CLIP2: variants seen among roughly 807,000 people sequenced by gnomAD.
CLIP2 encodes the protein CAP-Gly domain-containing linker protein 2.
A neutral mutation model predicts 111.7 loss-of-function variants in CLIP2; 41 were observed. That is an observed-to-expected ratio of 0.37 (90% CI 0.29 to 0.48). CLIP2 has a LOEUF of 0.48. Ranked by LOEUF, CLIP2 falls within the 20% of genes least tolerant of loss-of-function variation. CLIP2 has a pLI of 0.99. For synonymous variants in CLIP2, 660 were observed against 644.2 expected (o/e 1.02, Z -0.37); for missense variants, 1,160 against 1,422.1 (o/e 0.82, Z 2.96).
intron 11 of CLIP2, 100 bp from the exon 12 acceptor site, chr7:74,386,421 G>A: frequency 1.1e-6 from 1 of 912,470 alleles, no homozygotes; most frequent in South Asian, 1.6e-5. Context: ...GAGGCCAAGT[G>A]TGACCCCGTC....
chr7:74,381,635 G>C, intron 11 of CLIP2: 1 of 456,198 alleles, frequency 2.2e-6, no homozygotes, highest in Non-Finnish European at 4.4e-6. Flanking sequence ...GTGCAGGTAC[G>C]AGCAAGCAAG....
intron 1 of CLIP2, among the ~76,000 whole-genome samples, chr7:74,308,756 C>T (rs1045034526): frequency 5.9e-5 from 9 of 152,094 alleles, no homozygotes; most frequent in Non-Finnish European, 8.8e-5. Flanking sequence ...CTGCCTGCCT[C>T]GGCCGTCTTT....
intron 3 of CLIP2, among the ~76,000 whole-genome samples, chr7:74,350,978 G>A (rs1227505944): frequency 5.4e-5 from 7 of 129,986 alleles, no homozygotes; most frequent in African/African-American, 1.7e-4. Context: ...AGGAAAGGAA[G>A]GAAGGGAAGG....
At chr7:74,368,933 C>T (rs1790529192) in intron 8 of CLIP2, among the ~76,000 whole-genome samples, 1 of 152,182 alleles carries the variant, frequency 6.6e-6, no homozygotes, top group Non-Finnish European at 1.5e-5. Flanking sequence ...GTAAATCAGG[C>T]CGGGTGCAGT....
chr7:74,330,640 G>A (rs931893576), intron 2 of CLIP2, among the ~76,000 whole-genome samples: 2 of 151,990 alleles, frequency 1.3e-5, no homozygotes, highest in African/African-American at 2.4e-5. Context: ...GCTGGATGTC[G>A]GGATGCTCCT....
chr7:74,357,543 G>C, intron 6 of CLIP2, 66 bp downstream of exon 6: 1 of 1,463,184 alleles, frequency 6.8e-7, no homozygotes, highest in Non-Finnish European at 9.4e-7. Context: ...CACCCACTCA[G>C]AGCGGAGACC....
intron 2 of CLIP2, among the ~76,000 whole-genome samples, chr7:74,323,858 G>A (rs1471798745): frequency 6.6e-6 from 1 of 152,168 alleles, no homozygotes; most frequent in Non-Finnish European, 1.5e-5. Flanking sequence ...ATAGGTTTGT[G>A]TAAGTACACT....
At chr7:74,363,228 C>T (rs1790382658) in intron 7 of CLIP2, among the ~76,000 whole-genome samples, 1 of 152,118 alleles carries the variant, frequency 6.6e-6, no homozygotes, top group South Asian at 2.1e-4. Context: ...TCTCAAACTC[C>T]CGACCTCAGG....
At chr7:74,388,965 C>T (rs566532347) in intron 12 of CLIP2, 138 bp from the exon 13 acceptor site, 77 of 1,049,142 alleles carry the variant, frequency 7.3e-5, no homozygotes, top group East Asian at 5.3e-4. Context: ...CTAAAAAAAC[C>T]GTCAAAACTA....
intron 8 of CLIP2, chr7:74,364,716 A>G: frequency 2.8e-6 from 1 of 356,896 alleles, no homozygotes. Context: ...TATAGGTAGG[A>G]AAACTGAGGC....
chr7:74,339,083 C>A, intron 3 of CLIP2, 79 bp downstream of exon 3: 2 of 1,418,216 alleles, frequency 1.4e-6, no homozygotes, highest in East Asian at 2.3e-5. Flanking sequence ...AAGCTGGACC[C>A]CCCTGGGCTG....
chr7:74,331,675 G>T (rs1480548676), intron 2 of CLIP2, among the ~76,000 whole-genome samples: 1 of 146,118 alleles, frequency 6.8e-6, no homozygotes, highest in African/African-American at 2.5e-5. Context: ...CTGGGTCCAA[G>T]TGATTCTCCT....
intron 2 of CLIP2, among the ~76,000 whole-genome samples, chr7:74,323,188 G>T (rs562465692): frequency 5.3e-5 from 8 of 151,766 alleles, no homozygotes; most frequent in African/African-American, 1.9e-4. Flanking sequence ...ATAGCTCACT[G>T]CAGCCTCGAC....
intron 2 of CLIP2, among the ~76,000 whole-genome samples, chr7:74,325,005 G>A (rs1206199419): frequency 1.3e-5 from 2 of 152,172 alleles, no homozygotes; most frequent in African/African-American, 2.4e-5. Flanking sequence ...TGGGCAGCTC[G>A]AGATGTGTGT....
rs1554317637 is a variant in CLIP2 at position 74,401,511 on chromosome 7, G to A, written c.3073G>A (p.Gly1025Ser). The A allele has an allele frequency of 7.4e-6, 12 of 1,613,888 alleles. No homozygotes were observed. Among genetic ancestry groups the A allele is most frequent in the African/African-American group, 2.7e-5 (2 of 74,922 alleles). ...TCTCCCCTAACTCTTCCAGACCATC[G>A]GCAATTCCGGTTCTGCAAACGGCAT... ...RSCPDKAQTI[G>S]NSGSANGIHQ... Residue 1025 changes from glycine to serine, a missense_variant, in exon 16 of 17, where the codon GGC becomes AGC. This residue lies in a region of CLIP2 where 676 missense variants were observed against 777.8 expected (regional missense o/e 0.87). Coordinates refer to ENST00000223398, the MANE Select transcript of CLIP2 (RefSeq NM_003388.5).
chr7:74,365,756 C>CT (rs1394979255), intron 8 of CLIP2, among the ~76,000 whole-genome samples: 7 of 151,958 alleles, frequency 4.6e-5, no homozygotes, highest in African/African-American at 4.8e-5. Flanking sequence ...CATCCCCACC[C>CT]TTTTTTTTCT....
intron 4 of CLIP2, among the ~76,000 whole-genome samples, chr7:74,355,602 CCT>C (rs1238475524): frequency 6.6e-6 from 1 of 152,070 alleles, no homozygotes; most frequent in Non-Finnish European, 1.5e-5. Flanking sequence ...AGAGCCAGAC[CCT>C]GTCTCGAAAG....
At chr7:74,347,697 A>C (rs1286584786) in intron 3 of CLIP2, among the ~76,000 whole-genome samples, 7 of 152,242 alleles carry the variant, frequency 4.6e-5, no homozygotes, top group Non-Finnish European at 1.0e-4. Context: ...TCTGAGAAAT[A>C]AGAGAAGGTG....
intron 2 of CLIP2, among the ~76,000 whole-genome samples, chr7:74,323,716 G>T (rs1320032772): frequency 2.6e-5 from 4 of 152,252 alleles, no homozygotes; most frequent in African/African-American, 7.2e-5. Flanking sequence ...ATGAGCCAGT[G>T]CGCCTGGCCC....
Sources: gnomAD v4.1 joint callset for allele counts (sites outside exome capture counted in the v4.1 genomes callset) on GRCh38, gnomAD v4.1.1 for gene constraint, gnomAD v4.1.1 regional missense constraint, MANE v1.5 for transcripts, NCBI Gene and HGNC (gene_info 2026-07-23, HGNC 2026-07-21) for gene names.